Variants in CRACDL observed in about 807,000 individuals in gnomAD.
CRACDL encodes CRACD like.
CRACDL carries 26 observed loss-of-function variants against 70.6 expected under a neutral mutation model. The ratio of observed to expected loss-of-function variants is 0.37; its 90% CI spans 0.27 to 0.51. The LOEUF is 0.51. Among genes scored for constraint, CRACDL ranks in the 20% least tolerant of loss-of-function variants. The probability of loss-of-function intolerance (pLI) is 0.94; values close to 1 mark genes in which losing one functional copy is unlikely to be tolerated. For synonymous variants in CRACDL, 618 were observed against 615.2 expected (o/e 1.00, Z -0.07); for missense variants, 1,283 against 1,376.9 (o/e 0.93, Z 1.08).
chr2:98,838,377 GC>G lies in CRACDL; in HGVS notation c.71-91del. 8 of 711,312 alleles carry G rather than the reference GC, an allele frequency of 1.1e-5. No individual in the cohort carries two copies. In the South Asian group the frequency reaches 1.9e-4, roughly 17 times the overall value. The allele number at this position is 711,312 out of a possible 1,614,324, so 44.1% of individuals were successfully genotyped here. A position where few individuals can be genotyped will look rare whatever the true frequency, so the allele number is the denominator to read the frequency against. ...GCAACAGGCACGTAAAAGAGAGAAA[GC>G]AAGATTTCCATCCATGCATCAGTTA... is the stretch of plus-strand genomic sequence containing the variant. On this transcript the variant is annotated intron_variant, in intron 2 of 9. Coordinates refer to ENST00000397899, the MANE Select transcript of CRACDL (RefSeq NM_207362.3).
At chr2:98,816,091 C>G (rs748787889) in intron 7 of CRACDL, among the ~76,000 whole-genome samples, 2 of 152,128 alleles carry the variant, frequency 1.3e-5, no homozygotes, top group Non-Finnish European at 2.9e-5. Flanking sequence ...CCCAGGAGCT[C>G]TGGCCTGCAG....
chr2:98,835,572 A>C (rs1461855204), intron 3 of CRACDL, among the ~76,000 whole-genome samples: 3 of 152,216 alleles, frequency 2.0e-5, no homozygotes, highest in Non-Finnish European at 4.4e-5. Flanking sequence ...AAGCAAATCA[A>C]ATATATAAAA....
chr2:98,881,880 G>A lies in CRACDL; in HGVS notation c.-10-35070C>T, dbSNP rs149319296. ...CCTCTTCCAACACAGGCTTAAGGCA[G>A]CCCAGGAAGACCCAGCCTCTAATTG... On this transcript the variant is annotated intron_variant, in intron 1 of 9. Coordinates refer to ENST00000397899, the MANE Select transcript of CRACDL (RefSeq NM_207362.3). Among the ~76,000 whole-genome samples the A allele has an allele frequency of 2.0e-5, 3 of 152,324 alleles. 1 individual carries two copies. In the East Asian group the frequency reaches 5.8e-4, roughly 29 times the overall value.
chr2:98,907,463 T>C (rs1708443068), intron 1 of CRACDL, among the ~76,000 whole-genome samples: 1 of 152,192 alleles, frequency 6.6e-6, no homozygotes, highest in Admixed American at 6.5e-5. Flanking sequence ...CAGCTTAGCA[T>C]TTGGCCAAGA....
In CRACDL at chr2:98,823,445, C is replaced by T. The variant is rs1174103272; in HGVS notation, c.828G>A (p.Glu276=). 8.2e-6 allele frequency: 13 copies of T among 1,589,146 alleles called. No homozygotes were observed. In the East Asian group the frequency reaches 2.7e-4, roughly 33 times the overall value. Residue 276 remains glutamate, a synonymous_variant, in exon 7 of 10, where the codon GAG becomes GAA. Transcript: ENST00000397899. This position sits in a 1 kb window ranked among gnomAD's most constrained non-coding sequence, Gnocchi z 4.0. Reference sequence around the variant, plus strand: ...CGTCCTGCTGCCCAGAGCTGGGGCGCTCTTCTGGGCTGACTTCCAAAAGTG... The same window carrying T: ...CGTCCTGCTGCCCAGAGCTGGGGCGTTCTTCTGGGCTGACTTCCAAAAGTG... ...EKPLLEVSPE[E]RPSSGQQDVA...
At chr2:98,915,584 G>A (rs1435985797) in intron 1 of CRACDL, among the ~76,000 whole-genome samples, 1 of 152,154 alleles carries the variant, frequency 6.6e-6, no homozygotes, top group Non-Finnish European at 1.5e-5. Context: ...TCTGCCAGGT[G>A]AAGGACGAGA....
intron 1 of CRACDL, chr2:98,869,495 G>A (rs1349786303): frequency 8.6e-6 from 2 of 233,374 alleles, no homozygotes; most frequent in Non-Finnish European, 1.7e-5. Flanking sequence ...AGTTGCTTGG[G>A]CTTTGTTGAC....
intron 8 of CRACDL, 22 bp downstream of exon 8, chr2:98,797,328 C>A (rs1406149795): frequency 6.2e-7 from 1 of 1,612,268 alleles, no homozygotes; most frequent in East Asian, 2.2e-5. Flanking sequence ...ACCCACAGAA[C>A]AGAAGTATTT....
At chr2:98,897,730 C>G (rs1188449444) in intron 1 of CRACDL, among the ~76,000 whole-genome samples, 2 of 152,224 alleles carry the variant, frequency 1.3e-5, no homozygotes, top group Non-Finnish European at 2.9e-5. Context: ...TGTTCACAGA[C>G]TTTTGAGCTA....
intron 1 of CRACDL, among the ~76,000 whole-genome samples, chr2:98,891,376 C>CA (rs548988640): frequency 0.031 from 1,176 of 37,624 alleles, 133 homozygotes; most frequent in African/African-American, 0.072. Flanking sequence ...GACTCCGTCT[C>CA]AAAAAAAAAA....
At chr2:98,910,107 T>C (rs998504552) in intron 1 of CRACDL, among the ~76,000 whole-genome samples, 1 of 152,136 alleles carries the variant, frequency 6.6e-6, no homozygotes, top group Admixed American at 6.5e-5. Flanking sequence ...TGCTCCTACC[T>C]GCAGGAAGCC....
At position 98,795,368 on chromosome 2, in the gene CRACDL, G is replaced by A. The variant is rs182941348; in HGVS notation, c.2750-697C>T. ...TGGGATTACAAGCGTAAGCCATGGC[G>A]TCCGGCCTAAAAATTTTTAAATACT... is the stretch of plus-strand genomic sequence containing the variant. On this transcript the variant is annotated intron_variant, in intron 9 of 9. Coordinates refer to ENST00000397899, the MANE Select transcript of CRACDL (RefSeq NM_207362.3). Among the ~76,000 whole-genome samples, 757 of 151,986 alleles carry A rather than the reference G, an allele frequency of 5.0e-3. 1 individual carries two copies. The highest frequency in any genetic ancestry group is 0.016 in the African/African-American group (673 of 41,458).
intron 1 of CRACDL, among the ~76,000 whole-genome samples, chr2:98,884,436 AACCCC>A (rs1014210540): frequency 6.6e-6 from 1 of 152,170 alleles, no homozygotes; most frequent in African/African-American, 2.4e-5. Flanking sequence ...GCTGGACCTG[AACCCC>A]ACCCTCTTCC....
intron 1 of CRACDL, among the ~76,000 whole-genome samples, chr2:98,889,477 C>T (rs4553869): frequency 0.4 from 60,452 of 151,958 alleles, 12,987 homozygotes; most frequent in African/African-American, 0.56. Flanking sequence ...CAAGATTAAA[C>T]AACCACACAC....
At position 98,871,161 on chromosome 2, in the gene CRACDL, C is replaced by T. The variant is rs138340548; in HGVS notation, c.-10-24351G>A. On this transcript the variant is annotated intron_variant, in intron 1 of 9. Transcript: ENST00000397899. The stretch of plus-strand genomic sequence containing the variant: ...CCTTCTTTGCTGTGCCCAAGCCATA[C>T]GTTCCCTGAGACATCAGAGAACCAA... 4.6e-5 allele frequency among the ~76,000 whole-genome samples: 7 copies of T among 152,334 alleles called. No homozygotes were observed. In the East Asian group the frequency reaches 1.2e-3, roughly 25 times the overall value.
intron 7 of CRACDL, among the ~76,000 whole-genome samples, chr2:98,805,122 G>A (rs1704232668): frequency 6.6e-6 from 1 of 152,186 alleles, no homozygotes; most frequent in Non-Finnish European, 1.5e-5. Flanking sequence ...AATCAGGAAT[G>A]AGTTCCAGAG....
intron 1 of CRACDL, among the ~76,000 whole-genome samples, chr2:98,914,546 T>G (rs1708623465): frequency 6.6e-6 from 1 of 152,190 alleles, no homozygotes; most frequent in African/African-American, 2.4e-5. Flanking sequence ...CAGCTTACTG[T>G]TAGTTTCCAT....
intron 1 of CRACDL, among the ~76,000 whole-genome samples, chr2:98,927,154 T>C (rs914627661): frequency 2.6e-5 from 4 of 152,242 alleles, no homozygotes; most frequent in African/African-American, 9.6e-5. Flanking sequence ...TGGTTTCCCC[T>C]GTGGACGGAG....
intron 1 of CRACDL, among the ~76,000 whole-genome samples, chr2:98,868,397 T>G (rs1707227134): frequency 6.6e-6 from 1 of 152,232 alleles, no homozygotes; most frequent in Non-Finnish European, 1.5e-5. Context: ...GAATTTTCCA[T>G]GTGGGGTATG....
Sources: gnomAD v4.1 joint callset for allele counts (sites outside exome capture counted in the v4.1 genomes callset) on GRCh38, gnomAD v4.1.1 for gene constraint, Gnocchi (gnomAD v3.1) non-coding constraint, MANE v1.5 for transcripts, NCBI Gene and HGNC (gene_info 2026-07-23, HGNC 2026-07-21) for gene names.